Variants in MTMR14 observed in about 807,000 individuals in gnomAD.
MTMR14 encodes the protein myotubularin related protein 14.
Under a neutral mutation model 86.3 loss-of-function variants are expected in MTMR14, and 48 were observed. That is an observed-to-expected ratio of 0.56 (90% CI 0.44 to 0.71). The LOEUF is 0.71. MTMR14 is among the 30% of genes least tolerant of loss of function. The pLI, the probability that MTMR14 is intolerant of heterozygous loss-of-function variation, is 0.00. For synonymous variants in MTMR14, 366 were observed against 326.1 expected (o/e 1.12, Z -1.32); for missense variants, 780 against 834.6 (o/e 0.93, Z 0.81).
chr3:9,700,752 C>A (rs2076428548), intron 18 of MTMR14: 1 of 152,156 alleles, frequency 6.6e-6, no homozygotes, highest in African/African-American at 2.4e-5. Flanking sequence ...GTGGGTTCTT[C>A]CAGGGCAATA....
Position 9,688,724 on chromosome 3 carries a change from G to A in MTMR14, c.1264G>A (p.Gly422Ser). 6.2e-7 allele frequency: 1 copy of A among 1,614,250 alleles called. No homozygotes were observed. Among genetic ancestry groups the A allele is most frequent in the African/African-American group, 1.3e-5 (1 of 75,062 alleles). ...RRKSLPARDG[G>S]FTLEDICMLR... is the part of the protein sequence containing the mutation. ...GAAGAGTTTGCCAGCCCGGGATGGA[G>A]GCTTCACCCTGGAAGACATCTGCAT... The change falls in exon 15 of 19, where the codon GGC becomes AGC. Residue 422 changes from glycine to serine, a missense_variant. Gly to Ser is a moderately conservative substitution (Grantham distance 56). Transcript: ENST00000296003.
chr3:9,653,952 G>C (rs2047455659), intron 2 of MTMR14, 183 bp downstream of exon 2: 2 of 742,220 alleles, frequency 2.7e-6, no homozygotes, highest in East Asian at 5.4e-5. Flanking sequence ...CATAGAATGA[G>C]GGGTTGGGAG....
Position 9,685,258 on chromosome 3 carries a change from C to T in MTMR14, c.1164+11C>T, listed in dbSNP as rs2075900543. ...AGCAAAGGGGAGGAGGTGAGTATAC[C>T]ACCTACGACTTGTGGGCACAGCTCA... is the stretch of plus-strand genomic sequence containing the variant. On this transcript the variant is annotated intron_variant, in intron 13 of 18. Transcript: ENST00000296003. The T allele has an allele frequency of 6.2e-7, 1 of 1,613,988 alleles. No individual in the cohort carries two copies. Among genetic ancestry groups the T allele is most frequent in the Non-Finnish European group, 8.5e-7 (1 of 1,179,998 alleles).
intron 9 of MTMR14, among the ~76,000 whole-genome samples, chr3:9,678,765 A>G (rs531853996): frequency 6.6e-6 from 1 of 152,232 alleles, no homozygotes; most frequent in Admixed American, 6.5e-5. Flanking sequence ...GGATGCCTGC[A>G]TCTATATTCC....
At chr3:9,683,975 G>T (rs2075855094) in intron 10 of MTMR14, among the ~76,000 whole-genome samples, 1 of 152,214 alleles carries the variant, frequency 6.6e-6, no homozygotes, top group Non-Finnish European at 1.5e-5. Context: ...CATTGGCCCA[G>T]TTTGGGTTAA....
chr3:9,672,780 G>A (rs1281261166), intron 7 of MTMR14, 22 bp downstream of exon 7: 2 of 1,611,718 alleles, frequency 1.2e-6, no homozygotes, highest in Middle Eastern at 1.7e-4. Context: ...TCTTCTAGTG[G>A]CAGGCATCCT....
At chr3:9,685,363 G>T in intron 13 of MTMR14, 116 bp downstream of exon 13, 1 of 1,266,934 alleles carries the variant, frequency 7.9e-7, no homozygotes. Flanking sequence ...GTGCAGGGAT[G>T]TGGCCCCCTG....
intron 10 of MTMR14, among the ~76,000 whole-genome samples, chr3:9,684,128 G>A (rs2075859183): frequency 6.6e-6 from 1 of 152,190 alleles, no homozygotes; most frequent in South Asian, 2.1e-4. Flanking sequence ...CATGTTAGGT[G>A]CTGCAGAAAC....
intron 2 of MTMR14, among the ~76,000 whole-genome samples, chr3:9,656,503 C>T (rs1024449009): frequency 3.9e-5 from 6 of 152,118 alleles, no homozygotes; most frequent in African/African-American, 1.4e-4. Context: ...CTCACTGTAA[C>T]CTCTGCCTCC....
At chr3:9,688,638 G>A in intron 14 of MTMR14, 58 bp from the exon 15 acceptor site, 6 of 1,599,306 alleles carry the variant, frequency 3.8e-6, no homozygotes, top group South Asian at 1.1e-5. Context: ...TTGGGAACGG[G>A]GGACACAATA....
Position 9,649,888 on chromosome 3 carries a change from GTA to G in MTMR14, c.159+148_159+149del, listed in dbSNP as rs1299679017. The G allele has an allele frequency of 5.9e-6, 9 of 1,519,428 alleles. No homozygotes were observed. The Admixed American group carries it at 1.8e-4, about 31-fold the overall frequency. The allele number at this position is 1,519,428 out of a possible 1,614,324, so 94.1% of individuals were successfully genotyped here. Reference sequence around the variant, plus strand: ...GAGAGAGAGGAGTTCTCCAGGGTCTGTATCCGGAGTATAAGAGTCGGTCTTGA... The same window carrying G: ...GAGAGAGAGGAGTTCTCCAGGGTCTGTCCGGAGTATAAGAGTCGGTCTTGA... On this transcript the variant is annotated intron_variant, in intron 1 of 18. Coordinates refer to ENST00000296003, the MANE Select transcript of MTMR14 (RefSeq NM_001077525.3).
chr3:9,686,013 C>G (rs920096704), intron 13 of MTMR14, among the ~76,000 whole-genome samples: 1 of 152,158 alleles, frequency 6.6e-6, no homozygotes, highest in East Asian at 1.9e-4. Flanking sequence ...TCAGCTCCTT[C>G]TCTTTGGCCC....
At chr3:9,663,618 A>G (rs1287488254) in intron 3 of MTMR14, among the ~76,000 whole-genome samples, 11 of 144,326 alleles carry the variant, frequency 7.6e-5, no homozygotes, top group Non-Finnish European at 1.5e-4. Context: ...GGTTCACGCC[A>G]TTCTCCTGCC....
At chr3:9,666,929 G>A (rs2048286476) in intron 3 of MTMR14, among the ~76,000 whole-genome samples, 1 of 152,224 alleles carries the variant, frequency 6.6e-6, no homozygotes, top group Admixed American at 6.5e-5. Context: ...AGAGGGGTCA[G>A]CCCTCCCACA....
intron 9 of MTMR14, among the ~76,000 whole-genome samples, chr3:9,680,987 A>C (rs1035563608): frequency 1.3e-5 from 2 of 152,196 alleles, no homozygotes; most frequent in Non-Finnish European, 2.9e-5. Flanking sequence ...ATGTCCCTAC[A>C]GATCAGGCTT....
intron 1 of MTMR14, chr3:9,650,396 C>T (rs1482635089): frequency 6.6e-6 from 3 of 456,306 alleles, no homozygotes; most frequent in African/African-American, 2.0e-5. Context: ...CACTGGCTGG[C>T]AGTGCGGTGG....
In MTMR14 at chr3:9,649,659, G is replaced by GCAACC. The variant is rs753292147; in HGVS notation, c.76_77insCAACC (p.Glu26AlafsTer50). 1 of 1,598,286 alleles carries GCAACC rather than the reference G, an allele frequency of 6.3e-7. No homozygotes were observed. On this transcript the variant is annotated frameshift_variant, in exon 1 of 19. Transcript: ENST00000296003. LOFTEE classifies it high-confidence loss of function. ...CTCTTCAGGCAACCAGCCGCCTCAGGAGCTGGGGCTTGGGGAGCTGCTGGA... is the reference window on the plus strand; with the variant it reads ...CTCTTCAGGCAACCAGCCGCCTCAGGCAACCAGCTGGGGCTTGGGGAGCTGCTGGA...
intron 1 of MTMR14, among the ~76,000 whole-genome samples, chr3:9,653,133 G>A (rs9841282): frequency 0.029 from 4,427 of 152,128 alleles, 185 homozygotes; most frequent in African/African-American, 0.092. Context: ...AGCTACTCGG[G>A]GTGAGACAGG....
chr3:9,665,762 G>T (rs1408323103), intron 3 of MTMR14, among the ~76,000 whole-genome samples: 3 of 141,870 alleles, frequency 2.1e-5, no homozygotes, highest in African/African-American at 7.9e-5. Flanking sequence ...ACAGAGTCTC[G>T]CTGTCGCCCA....
Sources: gnomAD v4.1 joint callset for allele counts (sites outside exome capture counted in the v4.1 genomes callset) on GRCh38, gnomAD v4.1.1 for gene constraint, MANE v1.5 for transcripts, NCBI Gene and HGNC (gene_info 2026-07-23, HGNC 2026-07-21) for gene names.